The following TMEM79 variants were observed in gnomAD, a reference collection of about 807,000 sequenced individuals.
TMEM79 encodes mattrin.
In TMEM79, 30 loss-of-function variants were observed where a neutral mutation model predicts 31.2. That is an observed-to-expected ratio of 0.96 (90% CI 0.72 to 1.30). The LOEUF is 1.30. Ranked by LOEUF, TMEM79 falls within the 50% of genes most tolerant of loss-of-function variation. TMEM79 has a pLI of 0.00. For missense variants in TMEM79, 509 were observed against 528.2 expected, an observed-to-expected ratio of 0.96 and a Z score of 0.36; for synonymous variants, 213 against 229.5, an observed-to-expected ratio of 0.93 and a Z score of 0.65.
intron 2 of TMEM79, 52 bp downstream of exon 2, chr1:156,286,035 G>C (rs1171829350): frequency 6.4e-7 from 1 of 1,561,184 alleles, no homozygotes; most frequent in Admixed American, 1.8e-5. Flanking sequence ...GAGGAGGGCA[G>C]GGCCTGGCTG....
At position 156,286,491 on chromosome 1, in the gene TMEM79, G is replaced by A. The variant is rs148802972; in HGVS notation, c.971+18G>A. 1,402 of 1,612,584 alleles carry A rather than the reference G, an allele frequency of 8.7e-4. 13 individuals carry two copies. In the African/African-American group the frequency reaches 0.017, roughly 19 times the overall value. On this transcript the variant is annotated intron_variant, in intron 3 of 3. Transcript: ENST00000405535. ...GTCTCCCGGTAAGTTGGGGCAGAGG[G>A]TGGGGCATGGGAGAGGGGATGGTGC...
In TMEM79 at chr1:156,291,633, C is replaced by T. The variant is rs776847255; in HGVS notation, c.*35C>T. 24 of 1,591,506 alleles carry T rather than the reference C, an allele frequency of 1.5e-5. 1 individual carries two copies. In the South Asian group the frequency reaches 1.9e-4, roughly 12 times the overall value. On this transcript the variant is annotated 3_prime_UTR_variant, in exon 4 of 4. Transcript: ENST00000405535. ...CCCTCGCCCTCGGAGTAGGGGGTAG[C>T]GGCTTGGGTCTGACACATCTTTGAA...
Position 156,285,715 on chromosome 1 carries a change from G to A in TMEM79, c.489G>A (p.Arg163=). 6.2e-7 allele frequency: 1 copy of A among 1,613,246 alleles called. No individual in the cohort carries two copies. The change falls in exon 2 of 4, where the codon CGG becomes CGA. Residue 163 remains arginine, a synonymous_variant. Coordinates refer to ENST00000405535, the MANE Select transcript of TMEM79 (RefSeq NM_032323.3). ...AGTGCCGAACCTTCATGCCCCCCCGGGTCACCCACCCCGACCCCACTGAGC... is the reference window on the plus strand; with the variant it reads ...AGTGCCGAACCTTCATGCCCCCCCGAGTCACCCACCCCGACCCCACTGAGC... ...EGECRTFMPP[R]VTHPDPTERK...
At chr1:156,282,938 AC>A, upstream of TMEM79, 2 of 548,460 alleles carry the variant, frequency 3.6e-6, no homozygotes, top group Non-Finnish European at 6.4e-6. Flanking sequence ...AGTTGCCAGA[AC>A]TAACTCTGGG....
chr1:156,286,208 G>T (rs1663155263), intron 2 of TMEM79, 52 bp from the exon 3 acceptor site: 2 of 1,573,632 alleles, frequency 1.3e-6, no homozygotes, highest in Non-Finnish European at 1.7e-6. Context: ...ACTGCCTCTT[G>T]TGCCCTTCCC....
At chr1:156,290,094 A>G (rs922121114) in intron 3 of TMEM79, 5 of 152,242 alleles carry the variant, frequency 3.3e-5, no homozygotes, top group Admixed American at 6.5e-5. Context: ...GCAGCTATAA[A>G]AGAATGAGAA....
At chr1:156,287,101 C>T (rs1018596584) in intron 3 of TMEM79, among the ~76,000 whole-genome samples, 5 of 151,200 alleles carry the variant, frequency 3.3e-5, no homozygotes, top group Middle Eastern at 3.2e-3. Context: ...CTAGCCTGGA[C>T]GACAGAGCTA....
chr1:156,286,211 C>T (rs375273737), intron 2 of TMEM79, 49 bp from the exon 3 acceptor site: 2 of 1,582,038 alleles, frequency 1.3e-6, no homozygotes, highest in Non-Finnish European at 1.7e-6. Flanking sequence ...GCCTCTTGTG[C>T]CCTTCCCCTG....
chr1:156,283,572 G>C (rs1299481233), upstream of TMEM79, among the ~76,000 whole-genome samples: 1 of 152,222 alleles, frequency 6.6e-6, no homozygotes, highest in Non-Finnish European at 1.5e-5. Flanking sequence ...ACAGCTAGGA[G>C]CGTGACTGCT....
Position 156,291,492 on chromosome 1 carries a change from T to C in TMEM79, c.1079T>C (p.Met360Thr). The change falls in exon 4 of 4, where the codon ATG becomes ACG. Residue 360 changes from methionine to threonine, a missense_variant. Physicochemically the swap from Met to Thr is moderately conservative, Grantham distance 81. Coordinates refer to ENST00000405535, the MANE Select transcript of TMEM79 (RefSeq NM_032323.3). ...ATGCTGATGTGGAACCTCTACTACA[T>C]GTTCGTGGTGGAGCCGGAGCGCATG... Reference protein sequence around the residue: ...LSMLMWNLYYMFVVEPERMLT... With the variant: ...LSMLMWNLYYTFVVEPERMLT... 2 of 1,613,088 alleles carry C rather than the reference T, an allele frequency of 1.2e-6. No individual in the cohort carries two copies. Among genetic ancestry groups the C allele is most frequent in the African/African-American group, 1.3e-5 (1 of 75,032 alleles).
intron 3 of TMEM79, 29 bp downstream of exon 3, chr1:156,286,502 G>A: frequency 1.9e-6 from 3 of 1,607,962 alleles, no homozygotes; most frequent in Non-Finnish European, 2.6e-6. Context: ...TGGGGCATGG[G>A]AGAGGGGATG....
In TMEM79 at chr1:156,291,525, C is replaced by T. The variant is rs1368596458; in HGVS notation, c.1112C>T (p.Ala371Val). Reference sequence around the variant, plus strand: ...GTGGAGCCGGAGCGCATGCTCACTGCCACCGAGAGCCGCCTGGACTACCCG... The same window carrying T: ...GTGGAGCCGGAGCGCATGCTCACTGTCACCGAGAGCCGCCTGGACTACCCG... ...FVVEPERMLT[A>V]TESRLDYPDH... is the part of the protein sequence containing the mutation. The change falls in exon 4 of 4, where the codon GCC (alanine) becomes GTC (valine). Residue 371 changes from alanine (A) to valine (V), a missense_variant. By Grantham distance (64) the Ala-to-Val change is moderately conservative. Transcript: ENST00000405535. 10 of 1,610,426 alleles carry T rather than the reference C, an allele frequency of 6.2e-6. No homozygotes were observed. Among genetic ancestry groups the T allele is most frequent in the Non-Finnish European group, 8.5e-6 (10 of 1,180,004 alleles).
At chr1:156,290,124 T>C (rs1663274804) in intron 3 of TMEM79, 1 of 152,180 alleles carries the variant, frequency 6.6e-6, no homozygotes, top group Non-Finnish European at 1.5e-5. Flanking sequence ...TATATTGATA[T>C]AAAATGATCT....
In TMEM79 at chr1:156,285,545, C is replaced by T. The variant is rs954198560; in HGVS notation, c.319C>T (p.Leu107Phe). 1.2e-6 allele frequency: 2 copies of T among 1,614,120 alleles called. No homozygotes were observed. Among genetic ancestry groups the T allele is most frequent in the African/African-American group, 2.7e-5 (2 of 74,948 alleles). The change falls in exon 2 of 4, where the codon CTT becomes TTT. Residue 107 changes from leucine to phenylalanine, a missense_variant. Leu to Phe is a conservative substitution (Grantham distance 22). Coordinates refer to ENST00000405535, the MANE Select transcript of TMEM79 (RefSeq NM_032323.3). ...ACCAGAGCCCCCTGAGTCAGAACCA[C>T]TTACCAAGCTAGAGGAGCTGCCCGA... is the stretch of plus-strand genomic sequence containing the variant. ...IEPEPPESEPLTKLEELPEDD... is the reference protein window; with the variant it reads ...IEPEPPESEPFTKLEELPEDD...
Position 156,291,557 on chromosome 1 carries a change from G to C in TMEM79, c.1144G>C (p.Ala382Pro). ...GAGCCGCCTGGACTACCCGGACCACGCCCGCTCGGCCTCCGACTACAGGCC... is the reference window on the plus strand; with the variant it reads ...GAGCCGCCTGGACTACCCGGACCACCCCCGCTCGGCCTCCGACTACAGGCC... Reference protein sequence around the residue: ...TESRLDYPDHARSASDYRPRP... With the variant: ...TESRLDYPDHPRSASDYRPRP... Residue 382 changes from alanine (A) to proline (P), a missense_variant, in exon 4 of 4, where the codon GCC becomes CCC. By Grantham distance (27) the Ala-to-Pro change is conservative. Coordinates refer to ENST00000405535, the MANE Select transcript of TMEM79 (RefSeq NM_032323.3). The C allele has an allele frequency of 6.2e-7, 1 of 1,610,506 alleles. No homozygotes were observed.
At position 156,291,413 on chromosome 1, in the gene TMEM79, G is replaced by C; in HGVS notation, c.1000G>C (p.Gly334Arg). 1 of 1,613,968 alleles carries C rather than the reference G, an allele frequency of 6.2e-7. No individual in the cohort carries two copies. ...GATCTACTGGCTGACCTTTGCCGTG[G>C]GCCGCTCCTTCCGAGGCTTCGGCTA... Reference protein sequence around the residue: ...RLIYWLTFAVGRSFRGFGYGL... With the variant: ...RLIYWLTFAVRRSFRGFGYGL... The change falls in exon 4 of 4, where the codon GGC (glycine) becomes CGC (arginine). Residue 334 changes from glycine to arginine, a missense_variant. Transcript: ENST00000405535.
Position 156,286,295 on chromosome 1 carries a change from T to C in TMEM79, c.793T>C (p.Ser265Pro), listed in dbSNP as rs1379834193. 1 of 1,614,256 alleles carries C rather than the reference T, an allele frequency of 6.2e-7. No homozygotes were observed. Among genetic ancestry groups the C allele is most frequent in the South Asian group, 1.1e-5 (1 of 91,092 alleles). ...LVYGLSLLCFSALRPFGEPRR... is the reference protein window; with the variant it reads ...LVYGLSLLCFPALRPFGEPRR... ...GTACGGGCTGAGCCTGTTATGCTTT[T>C]CTGCCCTTCGGCCCTTTGGGGAGCC... Residue 265 changes from serine (S) to proline (P), a missense_variant, in exon 3 of 4, where the codon TCT becomes CCT. Coordinates refer to ENST00000405535, the MANE Select transcript of TMEM79 (RefSeq NM_032323.3).
At chr1:156,291,181 G>A in intron 3 of TMEM79, 1 of 568,902 alleles carries the variant, frequency 1.8e-6, no homozygotes, top group African/African-American at 1.9e-5. Flanking sequence ...ATAAAGATGT[G>A]GGGAAGTCAA....
Position 156,291,784 on chromosome 1 carries a change from G to A in TMEM79, c.*186G>A. On this transcript the variant is annotated 3_prime_UTR_variant, in exon 4 of 4. Transcript: ENST00000405535. ...CTTGCCGGAGCTGCCCTTCACCTTT[G>A]GGGCCCGAGACAGTCATAAGGGATG... 1.6e-6 allele frequency: 1 copy of A among 615,676 alleles called. No homozygotes were observed. Among genetic ancestry groups the A allele is most frequent in the East Asian group, 2.7e-5 (1 of 36,436 alleles). The allele number at this position is 615,676 out of a possible 1,614,324, so 38.1% of individuals were successfully genotyped here.
Sources: gnomAD v4.1 joint callset for allele counts (sites outside exome capture counted in the v4.1 genomes callset) on GRCh38, gnomAD v4.1.1 for gene constraint, MANE v1.5 for transcripts, NCBI Gene and HGNC (gene_info 2026-07-23, HGNC 2026-07-21) for gene names.